ABCC1: variants seen among roughly 807,000 people sequenced by gnomAD.
The protein encoded by ABCC1 is multidrug resistance-associated protein 1.
A neutral mutation model predicts 172.9 loss-of-function variants in ABCC1; 83 were observed. The ratio of observed to expected loss-of-function variants is 0.48; its 90% CI spans 0.40 to 0.58. The LOEUF is 0.58. Among genes scored for constraint, ABCC1 ranks in the 20% least tolerant of loss-of-function variants. The pLI is 0.00. For missense variants in ABCC1, 1,817 were observed against 2,002.7 expected, an observed-to-expected ratio of 0.91 and a Z score of 1.77; for synonymous variants, 937 against 825.2, an observed-to-expected ratio of 1.14 and a Z score of -2.32.
intron 1 of ABCC1, among the ~76,000 whole-genome samples, chr16:15,961,200 C>T (rs945155696): frequency 1.3e-5 from 2 of 152,040 alleles, no homozygotes; most frequent in African/African-American, 4.8e-5. Flanking sequence ...TCTTCTCTTT[C>T]TCAGAACCTT....
Position 16,076,375 on chromosome 16 carries a change from C to T in ABCC1, c.1962C>T (p.Ala654=), listed in dbSNP as rs1269457762. 3.7e-6 allele frequency: 6 copies of T among 1,611,202 alleles called. No individual in the cohort carries two copies. Among genetic ancestry groups the T allele is most frequent in the Non-Finnish European group, 5.1e-6 (6 of 1,178,838 alleles). Residue 654 remains alanine (A), a synonymous_variant, in exon 15 of 31, where the codon GCC becomes GCT. Transcript: ENST00000399410. The stretch of plus-strand genomic sequence containing the variant: ...TGAGGAATGCCACATTCACCTGGGC[C>T]AGGAGCGACCCTCCCACACTGAATG... The part of the protein sequence containing the change: ...ITVRNATFTW[A]RSDPPTLNGI...
chr16:16,109,514 C>G (rs1326286415), intron 21 of ABCC1, among the ~76,000 whole-genome samples: 1 of 152,182 alleles, frequency 6.6e-6, no homozygotes, highest in Non-Finnish European at 1.5e-5. Flanking sequence ...GCATGAAAAG[C>G]TTGAAATGAC....
intron 14 of ABCC1, among the ~76,000 whole-genome samples, chr16:16,074,776 A>G (rs145239913): frequency 5.0e-4 from 76 of 152,218 alleles, no homozygotes; most frequent in Non-Finnish European, 9.9e-4. Flanking sequence ...GGAGAAAGTT[A>G]ATCTAGGTTA....
intron 4 of ABCC1, among the ~76,000 whole-genome samples, chr16:16,015,467 G>A (rs45533635): frequency 8.9e-4 from 135 of 152,284 alleles, no homozygotes; most frequent in African/African-American, 3.0e-3. Flanking sequence ...ATAACCTGCT[G>A]TTCCTGCCAT....
At chr16:16,071,027 C>A (rs371419342) in intron 13 of ABCC1, among the ~76,000 whole-genome samples, 2 of 152,124 alleles carry the variant, frequency 1.3e-5, no homozygotes, top group East Asian at 1.9e-4. Flanking sequence ...TTTGCTGTTA[C>A]GTTTCCAGAG....
intron 12 of ABCC1, among the ~76,000 whole-genome samples, chr16:16,064,249 C>T (rs1035404925): frequency 6.6e-6 from 1 of 152,162 alleles, no homozygotes; most frequent in African/African-American, 2.4e-5. Flanking sequence ...CCTAGACCCT[C>T]GCCTATTACA....
intron 12 of ABCC1, among the ~76,000 whole-genome samples, chr16:16,064,602 G>A (rs1232167298): frequency 2.0e-5 from 3 of 152,226 alleles, no homozygotes; most frequent in Non-Finnish European, 2.9e-5. Flanking sequence ...GGGCTGGTAC[G>A]TTTTGGTGGT....
At chr16:16,118,909 C>G (rs1222415661) in intron 23 of ABCC1, among the ~76,000 whole-genome samples, 5 of 126,674 alleles carry the variant, frequency 3.9e-5, no homozygotes, top group African/African-American at 1.5e-4. Context: ...AAAAAAAGAG[C>G]AAAGGCAGTG....
At chr16:15,980,180 C>T (rs929228100) in intron 1 of ABCC1, among the ~76,000 whole-genome samples, 2 of 152,094 alleles carry the variant, frequency 1.3e-5, no homozygotes, top group African/African-American at 4.8e-5. Context: ...GTCTCTCAGG[C>T]CCAGGGGCAA....
At chr16:16,020,682 A>T (rs530739406) in intron 5 of ABCC1, among the ~76,000 whole-genome samples, 28 of 152,232 alleles carry the variant, frequency 1.8e-4, no homozygotes, top group African/African-American at 6.7e-4. Flanking sequence ...ATGACTTTTT[A>T]GCTTCCTTTT....
At chr16:16,079,005 C>G (rs2050698347) in intron 15 of ABCC1, among the ~76,000 whole-genome samples, 1 of 152,136 alleles carries the variant, frequency 6.6e-6, no homozygotes, top group Non-Finnish European at 1.5e-5. Flanking sequence ...GAGGTGTCCT[C>G]TCCTTTCAGA....
chr16:16,131,918 A>C lies in ABCC1; in HGVS notation c.3949A>C (p.Ile1317Leu). Residue 1317 changes from isoleucine to leucine, a missense_variant, in exon 27 of 31, where the codon ATC (isoleucine) becomes CTC (leucine). Coordinates refer to ENST00000399410, the MANE Select transcript of ABCC1 (RefSeq NM_004996.4). ...CGTTCTCAGGCACATCAATGTCACG[A>C]TCAATGGGGGAGAAAAGGTGGGTAC... Reference protein sequence around the residue: ...DFVLRHINVTINGGEKVGIVG... With the variant: ...DFVLRHINVTLNGGEKVGIVG... 1.2e-6 allele frequency: 2 copies of C among 1,613,900 alleles called. No homozygotes were observed. The highest frequency in any genetic ancestry group is 1.7e-6 in the Non-Finnish European group (2 of 1,179,964).
At chr16:16,066,706 C>G (rs1233715480) in intron 12 of ABCC1, among the ~76,000 whole-genome samples, 2 of 151,148 alleles carry the variant, frequency 1.3e-5, no homozygotes, top group Non-Finnish European at 2.9e-5. Context: ...CAAGACCAGC[C>G]TGACCAACAT....
At chr16:16,055,344 G>A (rs1331205530) in intron 11 of ABCC1, among the ~76,000 whole-genome samples, 1 of 151,926 alleles carries the variant, frequency 6.6e-6, no homozygotes, top group East Asian at 1.9e-4. Context: ...GAAGTCAGGA[G>A]TTCGAAACCA....
At chr16:16,024,349 T>TTTTG (rs142887759) in intron 5 of ABCC1, among the ~76,000 whole-genome samples, 3 of 151,974 alleles carry the variant, frequency 2.0e-5, no homozygotes, top group Non-Finnish European at 4.4e-5. Context: ...ACTTGGAATT[T>TTTTG]TTTGTTTGTT....
intron 10 of ABCC1, 75 bp downstream of exon 10, chr16:16,048,378 G>A: frequency 6.4e-7 from 1 of 1,552,380 alleles, no homozygotes; most frequent in Non-Finnish European, 8.8e-7. Context: ...GAGGGAGTGG[G>A]TGTTGATGGT....
At chr16:16,071,373 C>G (rs536787051) in intron 13 of ABCC1, among the ~76,000 whole-genome samples, 1 of 151,900 alleles carries the variant, frequency 6.6e-6, no homozygotes, top group Admixed American at 6.6e-5. Context: ...GCTGGGATTA[C>G]AGGTTTGAGC....
intron 19 of ABCC1, among the ~76,000 whole-genome samples, chr16:16,093,763 A>C (rs895107139): frequency 7.2e-5 from 11 of 152,216 alleles, no homozygotes; most frequent in African/African-American, 2.4e-4. Context: ...CTCTTCCTAA[A>C]GGGGAACTTT....
Position 16,124,826 on chromosome 16 carries a change from A to ATC in ABCC1, c.3629_3630dup (p.Val1211SerfsTer10). On this transcript the variant is annotated frameshift_variant, in exon 25 of 31. Coordinates refer to ENST00000399410, the MANE Select transcript of ABCC1 (RefSeq NM_004996.4). LOFTEE classifies it high-confidence loss of function. ...GCGGCTGGAGTGTGTGGGCAACTGCATCGTTCTGTTTGCTGCCCTGTTTGC... is the reference window on the plus strand; with the variant it reads ...GCGGCTGGAGTGTGTGGGCAACTGCATCTCGTTCTGTTTGCTGCCCTGTTTGC... 1 of 1,614,184 alleles carries ATC rather than the reference A, an allele frequency of 6.2e-7. No individual in the cohort carries two copies. Among genetic ancestry groups the ATC allele is most frequent in the Non-Finnish European group, 8.5e-7 (1 of 1,180,036 alleles).
Sources: allele counts gnomAD v4.1 joint callset (sites outside exome capture counted in the v4.1 genomes callset), GRCh38; gene constraint gnomAD v4.1.1; transcripts MANE v1.5; gene names NCBI Gene and HGNC (gene_info 2026-07-23, HGNC 2026-07-21).